The following NPFFR2 variants were observed in gnomAD, a reference collection of about 807,000 sequenced individuals.
NPFFR2 encodes the protein G-protein coupled receptor 74.
A neutral mutation model predicts 13.1 loss-of-function variants in NPFFR2; 15 were observed. The ratio of observed to expected loss-of-function variants is 1.15; its 90% confidence interval spans 0.77 to 1.76. NPFFR2 has a LOEUF of 1.76. Among genes scored for constraint, NPFFR2 ranks in the 40% most tolerant of loss-of-function variants. The probability of loss-of-function intolerance (pLI) is 0.00; values close to 1 mark genes in which losing one functional copy is unlikely to be tolerated. For synonymous variants in NPFFR2, 190 were observed against 175.7 expected, an observed-to-expected ratio of 1.08 and a Z score of -0.65; for missense variants, 572 against 503.5, an observed-to-expected ratio of 1.14 and a Z score of -1.30.
chr4:72,138,231 T>A (rs968851655), intron 3 of NPFFR2, 92 bp downstream of exon 3: 1 of 769,804 alleles, frequency 1.3e-6, no homozygotes, highest in Non-Finnish European at 2.2e-6. Flanking sequence ...TTTGGACATA[T>A]CTTTTCAAAT....
At chr4:72,049,782 T>C (rs571119412) in intron 1 of NPFFR2, among the ~76,000 whole-genome samples, 1 of 152,160 alleles carries the variant, frequency 6.6e-6, no homozygotes, top group East Asian at 1.9e-4. Context: ...CTCCTGAAAC[T>C]CTTGTAAGTG....
intron 1 of NPFFR2, among the ~76,000 whole-genome samples, chr4:72,122,316 A>G (rs1029610933): frequency 1.3e-5 from 2 of 152,112 alleles, no homozygotes; most frequent in South Asian, 4.1e-4. Flanking sequence ...AGACTTTAAC[A>G]CCCCACTGTC....
intron 1 of NPFFR2, chr4:72,039,406 T>C (rs1719142327): frequency 7.1e-6 from 7 of 985,020 alleles, no homozygotes; most frequent in Non-Finnish European, 8.4e-6. Flanking sequence ...TCTGCTTCCA[T>C]ATTACAGGTA....
intron 1 of NPFFR2, among the ~76,000 whole-genome samples, chr4:72,040,548 G>C (rs1048812442): frequency 6.6e-6 from 1 of 151,942 alleles, no homozygotes; most frequent in African/African-American, 2.4e-5. Context: ...TTATTTTTCT[G>C]ATATCCTAAA....
At chr4:72,143,748 T>C (rs1722698883) in intron 3 of NPFFR2, among the ~76,000 whole-genome samples, 1 of 152,198 alleles carries the variant, frequency 6.6e-6, no homozygotes, top group South Asian at 2.1e-4. Flanking sequence ...GCCAGTATCT[T>C]CATCTCTGTA....
At chr4:72,057,893 C>G (rs1297756950) in intron 1 of NPFFR2, among the ~76,000 whole-genome samples, 1 of 151,982 alleles carries the variant, frequency 6.6e-6, no homozygotes, top group African/African-American at 2.4e-5. Flanking sequence ...ACTTCTACCA[C>G]ATTTCTGCCA....
At position 72,074,353 on chromosome 4, in the gene NPFFR2, C is replaced by T. The variant is rs190281162; in HGVS notation, c.-8+42153C>T. On this transcript the variant is annotated intron_variant, in intron 1 of 3. Transcript: ENST00000308744. ...GGGATTTTGTCATCTCACTTCATCA[C>T]AAGAAGAAGAAGGGTGAGGACAGTG... Among the ~76,000 whole-genome samples, 16 of 152,070 alleles carry T rather than the reference C, an allele frequency of 1.1e-4. No homozygotes were observed. The East Asian group carries it at 3.1e-3, about 29-fold the overall frequency.
At chr4:72,059,211 T>A (rs1719849392) in intron 1 of NPFFR2, among the ~76,000 whole-genome samples, 1 of 152,044 alleles carries the variant, frequency 6.6e-6, no homozygotes, top group Non-Finnish European at 1.5e-5. Flanking sequence ...TTTCATTGAT[T>A]TAGTAGGGCA....
At chr4:72,036,386 A>G (rs764680612) in intron 1 of NPFFR2, among the ~76,000 whole-genome samples, 2 of 151,976 alleles carry the variant, frequency 1.3e-5, no homozygotes, top group Non-Finnish European at 2.9e-5. Context: ...AGAGATAAAT[A>G]TTACAGTCCT....
chr4:72,086,365 T>C (rs1170669851), intron 1 of NPFFR2, among the ~76,000 whole-genome samples: 1 of 152,054 alleles, frequency 6.6e-6, no homozygotes, highest in African/African-American at 2.4e-5. Context: ...GACCAGAACA[T>C]GGATATCACT....
intron 1 of NPFFR2, among the ~76,000 whole-genome samples, chr4:72,033,713 A>C (rs1358518465): frequency 2.0e-5 from 3 of 152,180 alleles, no homozygotes; most frequent in Non-Finnish European, 4.4e-5. Context: ...CTAAAATTAT[A>C]TATTAGAAAT....
intron 1 of NPFFR2, among the ~76,000 whole-genome samples, chr4:72,045,462 G>T (rs1168533721): frequency 2.6e-5 from 4 of 152,122 alleles, no homozygotes; most frequent in Non-Finnish European, 4.4e-5. Flanking sequence ...CAAATAGTGT[G>T]ATACTTTTGC....
chr4:72,135,779 C>G (rs1560422283), intron 2 of NPFFR2, among the ~76,000 whole-genome samples: 1 of 150,228 alleles, frequency 6.7e-6, no homozygotes, highest in Non-Finnish European at 1.5e-5. Context: ...CTAGTGTTAA[C>G]TGCTTATTTT....
intron 3 of NPFFR2, among the ~76,000 whole-genome samples, chr4:72,142,964 G>GA (rs1442761301): frequency 2.6e-5 from 4 of 152,184 alleles, no homozygotes; most frequent in African/African-American, 4.8e-5. Flanking sequence ...ACCAGTGTTT[G>GA]ACAGCTATGC....
At chr4:72,055,617 T>C (rs1719722050) in intron 1 of NPFFR2, among the ~76,000 whole-genome samples, 1 of 151,834 alleles carries the variant, frequency 6.6e-6, no homozygotes, top group South Asian at 2.1e-4. Flanking sequence ...CTAGAAATAA[T>C]TAAGCTTAGT....
intron 1 of NPFFR2, among the ~76,000 whole-genome samples, chr4:72,120,345 A>G (rs1721832686): frequency 6.6e-6 from 1 of 151,174 alleles, no homozygotes; most frequent in African/African-American, 2.4e-5. Flanking sequence ...AAACTTAAAC[A>G]TTCCTGCCTG....
intron 2 of NPFFR2, among the ~76,000 whole-genome samples, chr4:72,133,450 C>T (rs545228081): frequency 6.6e-6 from 1 of 152,240 alleles, no homozygotes; most frequent in Admixed American, 6.5e-5. Flanking sequence ...ATAATGCCTC[C>T]AGCTTTGTTC....
intron 1 of NPFFR2, among the ~76,000 whole-genome samples, chr4:72,093,211 T>C (rs1720962418): frequency 6.6e-6 from 1 of 152,232 alleles, no homozygotes. Context: ...GTTAATCAGA[T>C]AGGTTTTCCT....
intron 1 of NPFFR2, among the ~76,000 whole-genome samples, chr4:72,098,794 C>T (rs564689900): frequency 6.6e-6 from 1 of 152,256 alleles, no homozygotes; most frequent in African/African-American, 2.4e-5. Flanking sequence ...GAGAGACAGA[C>T]AGAGGGAAAT....
Sources: allele counts gnomAD v4.1 joint callset (sites outside exome capture counted in the v4.1 genomes callset), GRCh38; gene constraint gnomAD v4.1.1; transcripts MANE v1.5; gene names NCBI Gene and HGNC (gene_info 2026-07-23, HGNC 2026-07-21).